GBF1: variants seen among roughly 807,000 people sequenced by gnomAD.
GBF1 encodes golgi brefeldin A resistant guanine nucleotide exchange factor 1, also known as Golgi-specific brefeldin A-resistance guanine nucleotide exchange factor 1.
In GBF1, 114 loss-of-function variants were observed where a neutral mutation model predicts 210.5. The ratio of observed to expected loss-of-function variants is 0.54; its 90% CI spans 0.47 to 0.63. The LOEUF is 0.63. GBF1 is among the 30% of genes least tolerant of loss of function. GBF1 has a pLI of 0.00. For missense variants in GBF1, 1,851 were observed against 2,357.7 expected, an observed-to-expected ratio of 0.79 and a Z score of 4.45; for synonymous variants, 850 against 889.2, an observed-to-expected ratio of 0.96 and a Z score of 0.78.
chr10:102,360,483 G>A lies in GBF1; in HGVS notation c.1392+88G>A, dbSNP rs2059533624. 11 of 869,270 alleles carry A rather than the reference G, an allele frequency of 1.3e-5. No individual in the cohort carries two copies. The South Asian group carries it at 1.4e-4, about 11-fold the overall frequency. The allele number at this position is 869,270 out of a possible 1,614,324, so 53.8% of individuals were successfully genotyped here. On this transcript the variant is annotated intron_variant, in intron 12 of 39. Transcript: ENST00000369983. Reference sequence around the variant, plus strand: ...TCTGGCTGATTACGCAAAGAGTATAGGACCTAGGAAAGCATCTCCCTCCCA... The same window carrying A: ...TCTGGCTGATTACGCAAAGAGTATAAGACCTAGGAAAGCATCTCCCTCCCA...
At chr10:102,362,373 G>C in intron 14 of GBF1, 102 bp from the exon 15 acceptor site, 2 of 845,516 alleles carry the variant, frequency 2.4e-6, no homozygotes, top group South Asian at 1.7e-5. Context: ...CGTTTTCTAA[G>C]GGCAATGTAC....
At chr10:102,261,504 C>A (rs2073209808) in intron 3 of GBF1, among the ~76,000 whole-genome samples, 1 of 151,846 alleles carries the variant, frequency 6.6e-6, no homozygotes, top group South Asian at 2.1e-4. Flanking sequence ...AAGAAAATTT[C>A]TTCTTTTCAT....
intron 3 of GBF1, among the ~76,000 whole-genome samples, chr10:102,279,101 T>A (rs1230686022): frequency 6.6e-6 from 1 of 152,256 alleles, no homozygotes; most frequent in Non-Finnish European, 1.5e-5. Context: ...GGACACAAAC[T>A]GTCTTTCTAG....
intron 3 of GBF1, among the ~76,000 whole-genome samples, chr10:102,323,239 G>GAA (rs775888621): frequency 0.17 from 11,256 of 65,786 alleles, 747 homozygotes; most frequent in Non-Finnish European, 0.23. Context: ...CTCCAAAATT[G>GAA]AAAAAAAAAA....
rs116122149 is a variant in GBF1 at position 102,311,460 on chromosome 10, A to G, written c.164-32591A>G. Among the ~76,000 whole-genome samples the G allele has an allele frequency of 7.9e-3, 1,196 of 152,352 alleles. 17 individuals carry two copies. The highest frequency in any genetic ancestry group is 0.027 in the African/African-American group (1,126 of 41,580). ...TGAAGAGAGAATTGAGCCATTTGCA[A>G]GTATCAAGAAAAGTTGCTACACATT... On this transcript the variant is annotated intron_variant, in intron 3 of 39. Transcript: ENST00000369983.
rs1565169127 is a variant in GBF1 at position 102,366,649 on chromosome 10, C to T, written c.2433+143C>T. ...TCACCCAGGCTGGAGTGCAGTAGCGCAGTCTCAGCACACTGCAACCTCCAC... is the reference window on the plus strand; with the variant it reads ...TCACCCAGGCTGGAGTGCAGTAGCGTAGTCTCAGCACACTGCAACCTCCAC... On this transcript the variant is annotated intron_variant, in intron 19 of 39. Coordinates refer to ENST00000369983, the MANE Select transcript of GBF1 (RefSeq NM_001377137.1). This position sits in a 1 kb window ranked among gnomAD's most constrained non-coding sequence, Gnocchi z 4.0. The T allele has an allele frequency of 1.4e-6, 1 of 725,456 alleles. No homozygotes were observed. The highest frequency in any genetic ancestry group is 2.2e-6 in the Non-Finnish European group (1 of 456,084). 44.9% of individuals were successfully genotyped at this position (725,456 alleles called of 1,614,324 possible). A position where few individuals can be genotyped will look rare whatever the true frequency, so the allele number is the denominator to read the frequency against.
Position 102,331,837 on chromosome 10 carries a change from A to T in GBF1, c.164-12214A>T, listed in dbSNP as rs921777591. ...GTAGTTGGGACTACAGGCGCACGCC[A>T]CCATACCTGGCTAATTTTTTTTTTT... On this transcript the variant is annotated intron_variant, in intron 3 of 39. Coordinates refer to ENST00000369983, the MANE Select transcript of GBF1 (RefSeq NM_001377137.1). Among the ~76,000 whole-genome samples, 7 of 140,530 alleles carry T rather than the reference A, an allele frequency of 5.0e-5. No homozygotes were observed. The East Asian group carries it at 1.4e-3, about 28-fold the overall frequency. 92.2% of individuals were successfully genotyped at this position (140,530 alleles called of 152,430 possible).
chr10:102,294,882 C>T (rs1430436137), intron 3 of GBF1, among the ~76,000 whole-genome samples: 11 of 152,244 alleles, frequency 7.2e-5, no homozygotes, highest in African/African-American at 2.6e-4. Context: ...TAAGCATACT[C>T]TATGATTTTT....
rs1284335918 is a variant in GBF1, at chr10:102,359,418, A to G, written c.1163A>G (p.Gln388Arg). The change falls in exon 11 of 40, where the codon CAG (glutamine) becomes CGG (arginine). Residue 388 changes from glutamine (Q) to arginine (R), a missense_variant. Gln to Arg is a conservative substitution (Grantham distance 43, BLOSUM62 1). This residue lies in a region of GBF1 where 804 missense variants were observed against 958.6 expected (regional missense o/e 0.84). Transcript: ENST00000369983. ...AATCCCCGGGGCGTGCGCTTTACAC[A>G]GTCCTCCCAGAAAGAAGGTGGGTAT... ...YVNPRGVRFT[Q>R]SSQKEGTALV... 7 of 1,613,284 alleles carry G rather than the reference A, an allele frequency of 4.3e-6. No homozygotes were observed. The highest frequency in any genetic ancestry group is 2.7e-5 in the African/African-American group (2 of 74,898).
chr10:102,273,541 T>C (rs1488990093), intron 3 of GBF1, among the ~76,000 whole-genome samples: 1 of 152,170 alleles, frequency 6.6e-6, no homozygotes, highest in Non-Finnish European at 1.5e-5. Flanking sequence ...GTTCTAGCAC[T>C]GGTTTGAATT....
At chr10:102,348,932 T>G (rs1009917684) in intron 4 of GBF1, among the ~76,000 whole-genome samples, 1 of 151,986 alleles carries the variant, frequency 6.6e-6, no homozygotes, top group Non-Finnish European at 1.5e-5. Flanking sequence ...GCAGATCACT[T>G]GAGCCCAGGA....
chr10:102,382,062 A>G lies in GBF1; in HGVS notation c.5309A>G (p.Glu1770Gly). 1 of 1,537,890 alleles carries G rather than the reference A, an allele frequency of 6.5e-7. No homozygotes were observed. Among genetic ancestry groups the G allele is most frequent in the Non-Finnish European group, 8.7e-7 (1 of 1,144,228 alleles). Residue 1770 changes from glutamate to glycine, a missense_variant, in exon 40 of 40, where the codon GAG (glutamate) becomes GGG (glycine). Physicochemically the swap from Glu to Gly is moderately conservative, Grantham distance 98 (BLOSUM62 -2). This residue lies in a region of GBF1 where 967 missense variants were observed against 1,247.7 expected (regional missense o/e 0.78). Coordinates refer to ENST00000369983, the MANE Select transcript of GBF1 (RefSeq NM_001377137.1). The part of the protein sequence containing the change: ...IPSELGACDF[E>G]KPESPRAASS... ...CACCTTGCTTTCCCTACAGACTTTG[A>G]GAAGCCCGAGAGCCCCCGAGCCGCC...
chr10:102,353,258 A>AG (rs1440967033), intron 7 of GBF1, among the ~76,000 whole-genome samples: 3 of 152,014 alleles, frequency 2.0e-5, no homozygotes, highest in African/African-American at 7.3e-5. Flanking sequence ...CCACTCTCCT[A>AG]GGGTTTTGAT....
chr10:102,238,687 A>G, the GBF1 span, among the ~76,000 whole-genome samples: 236 of 152,274 alleles, frequency 1.5e-3, 1 homozygote, highest in South Asian at 2.7e-3. Context: ...ACATAATTTC[A>G]TTTAACTCGC....
At chr10:102,350,395 G>A (rs546684639) in intron 4 of GBF1, among the ~76,000 whole-genome samples, 88 of 151,516 alleles carry the variant, frequency 5.8e-4, no homozygotes, top group Non-Finnish European at 9.1e-4. Flanking sequence ...GTGGCACTCA[G>A]ATATGAGTAT....
rs1462274048 is a variant in GBF1 at position 102,354,895 on chromosome 10, A to G, written c.639+1241A>G. ...TGGACTGGGTTTGGAGGGAAAGGGT[A>G]GTCCATCTAGTTGGGATCTTTTTTT... On this transcript the variant is annotated intron_variant, in intron 8 of 39. Coordinates refer to ENST00000369983, the MANE Select transcript of GBF1 (RefSeq NM_001377137.1). Among the ~76,000 whole-genome samples, 3 of 149,150 alleles carry G rather than the reference A, an allele frequency of 2.0e-5. No homozygotes were observed. In the East Asian group the frequency reaches 5.9e-4, roughly 30 times the overall value.
intron 3 of GBF1, among the ~76,000 whole-genome samples, chr10:102,281,992 T>G (rs2075536803): frequency 6.6e-6 from 1 of 151,176 alleles, no homozygotes; most frequent in Non-Finnish European, 1.5e-5. Flanking sequence ...AGTGGCGCGA[T>G]CTTGGCTCAC....
At chr10:102,297,866 A>C (rs2077034308) in intron 3 of GBF1, among the ~76,000 whole-genome samples, 1 of 152,184 alleles carries the variant, frequency 6.6e-6, no homozygotes, top group Non-Finnish European at 1.5e-5. Context: ...TGTTAGAACA[A>C]ATACCACTTT....
intron 3 of GBF1, among the ~76,000 whole-genome samples, chr10:102,295,995 G>A (rs560684576): frequency 1.3e-5 from 2 of 152,016 alleles, no homozygotes; most frequent in South Asian, 4.2e-4. Context: ...CCAAAATGTG[G>A]TTTCACTTAT....
Sources: allele counts gnomAD v4.1 joint callset (sites outside exome capture counted in the v4.1 genomes callset), GRCh38; gene constraint gnomAD v4.1.1; regional missense constraint gnomAD v4.1.1; non-coding constraint Gnocchi (gnomAD v3.1); transcripts MANE v1.5; gene names NCBI Gene and HGNC (gene_info 2026-07-23, HGNC 2026-07-21).